Variants in GRM8 observed in about 807,000 individuals in gnomAD.
The protein encoded by GRM8 is glutamate metabotropic receptor 8.
Under a neutral mutation model 87.2 loss-of-function variants are expected in GRM8, and 47 were observed. The ratio of observed to expected loss-of-function variants is 0.54; its 90% CI spans 0.43 to 0.69. The LOEUF (loss-of-function observed/expected upper bound fraction) is 0.69. GRM8 is among the 30% of genes least tolerant of loss of function. The probability of loss-of-function intolerance (pLI) is 0.00; values close to 1 mark genes in which losing one functional copy is unlikely to be tolerated. For missense variants in GRM8, 1,019 were observed against 1,139.2 expected (o/e 0.89, Z 1.52); for synonymous variants, 396 against 404.5 (o/e 0.98, Z 0.25).
At chr7:126,915,440 T>A (rs1332560683) in intron 3 of GRM8, among the ~76,000 whole-genome samples, 1 of 152,224 alleles carries the variant, frequency 6.6e-6, no homozygotes, top group African/African-American at 2.4e-5. Flanking sequence ...CCTGCATTAT[T>A]TCTAGAAACC....
intron 2 of GRM8, among the ~76,000 whole-genome samples, chr7:127,181,597 A>G (rs1477234685): frequency 6.6e-6 from 1 of 152,140 alleles, no homozygotes; most frequent in Non-Finnish European, 1.5e-5. Flanking sequence ...TTCAAACTAT[A>G]CTATAAGGCC....
rs1809590113 is a variant in GRM8, at chr7:126,964,047, C to A, written c.728-59364G>T. 2.6e-5 allele frequency among the ~76,000 whole-genome samples: 4 copies of A among 152,048 alleles called. No homozygotes were observed. The South Asian group carries it at 8.3e-4, about 32-fold the overall frequency. ...ACCATCAGGTCTTTGACAAACGTGA[C>A]AAAAACAAGAAATGGGGAAAGAATT... On this transcript the variant is annotated intron_variant, in intron 3 of 10. Transcript: ENST00000339582.
chr7:126,889,473 T>A (rs951310063), intron 6 of GRM8, among the ~76,000 whole-genome samples: 1 of 152,094 alleles, frequency 6.6e-6, no homozygotes, highest in African/African-American at 2.4e-5. Flanking sequence ...ATTGTCTATC[T>A]GGGTTGCAAG....
chr7:126,624,236 C>T (rs1273410820), intron 7 of GRM8, among the ~76,000 whole-genome samples: 1 of 152,164 alleles, frequency 6.6e-6, no homozygotes, highest in Admixed American at 6.5e-5. Flanking sequence ...TTATCATGGC[C>T]TTTAAGTCTC....
chr7:127,062,011 A>G, intron 3 of GRM8, among the ~76,000 whole-genome samples: 1 of 151,916 alleles, frequency 6.6e-6, no homozygotes, highest in Non-Finnish European at 1.5e-5. Flanking sequence ...AGGCGTGGTG[A>G]TGTGTGCCTG....
At chr7:127,225,051 G>A (rs1354538327) in intron 2 of GRM8, among the ~76,000 whole-genome samples, 1 of 152,140 alleles carries the variant, frequency 6.6e-6, no homozygotes, top group Non-Finnish European at 1.5e-5. Context: ...AATCAAAATT[G>A]GATTCTATAA....
chr7:126,951,486 A>G (rs766293249), intron 3 of GRM8, among the ~76,000 whole-genome samples: 4 of 152,140 alleles, frequency 2.6e-5, no homozygotes, highest in Non-Finnish European at 5.9e-5. Context: ...ATACAAAAAT[A>G]ACAAATAAGC....
At chr7:126,471,950 G>C (rs1192447946) in intron 9 of GRM8, among the ~76,000 whole-genome samples, 1 of 152,094 alleles carries the variant, frequency 6.6e-6, no homozygotes, top group Non-Finnish European at 1.5e-5. Flanking sequence ...TCTCTTTGAA[G>C]CAATTGTGAA....
chr7:126,489,499 CAA>C (rs1228165714), intron 9 of GRM8, among the ~76,000 whole-genome samples: 1 of 151,956 alleles, frequency 6.6e-6, no homozygotes, highest in Non-Finnish European at 1.5e-5. Context: ...CCACATAAAG[CAA>C]AGACGCCTTA....
At chr7:127,094,982 T>C (rs1347431995) in intron 3 of GRM8, among the ~76,000 whole-genome samples, 2 of 152,170 alleles carry the variant, frequency 1.3e-5, no homozygotes, top group East Asian at 1.9e-4. Context: ...CAGGGCCCCA[T>C]ACAATAGCCA....
At chr7:126,834,015 C>T (rs913609366) in intron 6 of GRM8, among the ~76,000 whole-genome samples, 1 of 152,124 alleles carries the variant, frequency 6.6e-6, no homozygotes, top group Non-Finnish European at 1.5e-5. Flanking sequence ...TTGCAAAGTG[C>T]CTGTGCTGTG....
At chr7:126,630,462 G>C (rs1008390830) in intron 7 of GRM8, among the ~76,000 whole-genome samples, 2 of 152,068 alleles carry the variant, frequency 1.3e-5, no homozygotes, top group African/African-American at 4.8e-5. Context: ...GTACAAAGAA[G>C]AGCTGGTACC....
At chr7:127,098,442 C>A (rs1036524161) in intron 3 of GRM8, among the ~76,000 whole-genome samples, 1 of 152,110 alleles carries the variant, frequency 6.6e-6, no homozygotes, top group Admixed American at 6.5e-5. Flanking sequence ...CAGAAACTTG[C>A]TTCTTGTTTA....
intron 2 of GRM8, among the ~76,000 whole-genome samples, chr7:127,119,300 A>G (rs893621243): frequency 2.0e-5 from 3 of 152,148 alleles, no homozygotes; most frequent in Non-Finnish European, 2.9e-5. Context: ...AACCTGGCCA[A>G]CATGGTGAAA....
intron 6 of GRM8, 56 bp from the exon 7 acceptor site, chr7:126,770,121 G>T: frequency 2.7e-6 from 3 of 1,104,142 alleles, no homozygotes; most frequent in Non-Finnish European, 4.1e-6. Context: ...ATAAAAGACA[G>T]CATTAGAGCT....
chr7:126,457,617 A>T (rs1157348791), intron 9 of GRM8, among the ~76,000 whole-genome samples: 1 of 151,436 alleles, frequency 6.6e-6, no homozygotes, highest in East Asian at 1.9e-4. Context: ...AGTCAAAAGA[A>T]AAACAATGGA....
chr7:126,918,485 AT>A (rs1804167354), intron 3 of GRM8, among the ~76,000 whole-genome samples: 1 of 152,216 alleles, frequency 6.6e-6, no homozygotes, highest in Non-Finnish European at 1.5e-5. Context: ...CAGAAAAAAA[AT>A]TAAGTTAGCC....
chr7:126,462,555 T>C (rs1328084137), intron 9 of GRM8, among the ~76,000 whole-genome samples: 1 of 151,660 alleles, frequency 6.6e-6, no homozygotes, highest in Non-Finnish European at 1.5e-5. Context: ...CAGCATAATT[T>C]TGGAACATAA....
chr7:127,242,844 G>C lies in GRM8; in HGVS notation c.361C>G (p.Gln121Glu). 6.2e-7 allele frequency: 1 copy of C among 1,614,082 alleles called. No individual in the cohort carries two copies. The highest frequency in any genetic ancestry group is 2.2e-5 in the East Asian group (1 of 44,872). ...GAAGCATCTTTCTCTATTAATGCCT[G>C]CACGAATGTTAGAGACTGCTCCAAA... ...YALEQSLTFV[Q>E]ALIEKDASDV... is the part of the protein sequence containing the mutation. Residue 121 changes from glutamine (Q) to glutamate (E), a missense_variant, in exon 2 of 11, where the codon CAG (glutamine) becomes GAG (glutamate). Coordinates refer to ENST00000339582, the MANE Select transcript of GRM8 (RefSeq NM_000845.3).
Sources: gnomAD v4.1 joint callset for allele counts (sites outside exome capture counted in the v4.1 genomes callset) on GRCh38, gnomAD v4.1.1 for gene constraint, MANE v1.5 for transcripts, NCBI Gene and HGNC (gene_info 2026-07-23, HGNC 2026-07-21) for gene names.